CACNA1B: variants seen among roughly 807,000 people sequenced by gnomAD.
CACNA1B encodes the protein calcium voltage-gated channel subunit alpha1 B.
In CACNA1B, 70 loss-of-function variants were observed where a neutral mutation model predicts 247.2. The ratio of observed to expected loss-of-function variants is 0.28; its 90% CI spans 0.23 to 0.35. The LOEUF (loss-of-function observed/expected upper bound fraction) is 0.35. Among genes scored for constraint, CACNA1B ranks in the 10% least tolerant of loss-of-function variants. CACNA1B has a pLI of 1.00. For synonymous variants in CACNA1B, 1,231 were observed against 1,294.4 expected (o/e 0.95, Z 1.05); for missense variants, 2,367 against 3,197.4 (o/e 0.74, Z 6.26).
At chr9:137,908,931 A>G (rs1174835809) in intron 3 of CACNA1B, among the ~76,000 whole-genome samples, 3 of 151,740 alleles carry the variant, frequency 2.0e-5, no homozygotes, top group Non-Finnish European at 4.4e-5. Flanking sequence ...ACACCTGGCT[A>G]AATTTTTAAT....
rs1958876668 is a variant in CACNA1B, at chr9:138,023,469, G to C, written c.2726G>C (p.Gly909Ala). 8.4e-7 allele frequency: 1 copy of C among 1,185,224 alleles called. No individual in the cohort carries two copies. Among genetic ancestry groups the C allele is most frequent in the Non-Finnish European group, 1.0e-6 (1 of 960,094 alleles). The allele number at this position is 1,185,224 out of a possible 1,614,324, so 73.4% of individuals were successfully genotyped here. ...GAGGCGCGGAGCGAGCGCGGCCGAG[G>C]CCCAGGCCCCGAGGGCGGCCGGCGG... ...PPEARSERGRGPGPEGGRRHH... is the reference protein window; with the variant it reads ...PPEARSERGRAPGPEGGRRHH... The change falls in exon 19 of 47, where the codon GGC becomes GCC. Residue 909 changes from glycine (G) to alanine (A), a missense_variant. By Grantham distance (60) the Gly-to-Ala change is moderately conservative. Around this residue, in one of 12 missense-constraint regions of CACNA1B, gnomAD observed 631 missense variants for 631.1 expected, o/e 1.00. Transcript: ENST00000371372.
rs777033250 is a variant in CACNA1B, at chr9:138,118,067, C to T, written c.5899C>T (p.Arg1967Trp). The change falls in exon 43 of 47, where the codon CGG becomes TGG. Residue 1967 changes from arginine (R) to tryptophan (W), a missense_variant. Physicochemically the swap from Arg to Trp is moderately radical, Grantham distance 101. Transcript: ENST00000371372. ...RGHSTEIPVG[R>W]SGALAVDVQM... Reference sequence around the variant, plus strand: ...CCACTCCACAGAGATCCCTGTGGGGCGGTCAGGAGCACTGGTGAGCACTCC... The same window carrying T: ...CCACTCCACAGAGATCCCTGTGGGGTGGTCAGGAGCACTGGTGAGCACTCC... The T allele has an allele frequency of 2.9e-5, 44 of 1,538,004 alleles. No individual in the cohort carries two copies. The highest frequency in any genetic ancestry group is 4.9e-5 in the East Asian group (2 of 40,950).
At chr9:138,083,359 A>AGCT (rs1960589508) in intron 36 of CACNA1B, among the ~76,000 whole-genome samples, 1 of 151,148 alleles carries the variant, frequency 6.6e-6, no homozygotes, top group African/African-American at 2.4e-5. Context: ...GTGGAGGTGG[A>AGCT]GCTGCTTCAC....
At chr9:137,953,540 C>G (rs1283005809) in intron 7 of CACNA1B, among the ~76,000 whole-genome samples, 1 of 152,168 alleles carries the variant, frequency 6.6e-6, no homozygotes, top group East Asian at 1.9e-4. Flanking sequence ...CTCCAAAAGC[C>G]TCCATGGGAA....
rs1405220352 is a variant in CACNA1B, at chr9:137,975,541, T to G, written c.1544-366T>G. 2.0e-5 allele frequency among the ~76,000 whole-genome samples: 3 copies of G among 152,258 alleles called. No individual in the cohort carries two copies. In the East Asian group the frequency reaches 5.8e-4, roughly 30 times the overall value. On this transcript the variant is annotated intron_variant, in intron 11 of 46. Transcript: ENST00000371372. Reference sequence around the variant, plus strand: ...TGGAAGCTGTAGCTGGGCCTCTCCTTGGGGTAAATGGGGCCCTTTGCCTCA... The same window carrying G: ...TGGAAGCTGTAGCTGGGCCTCTCCTGGGGGTAAATGGGGCCCTTTGCCTCA...
chr9:138,065,277 T>G (rs1374033270), intron 31 of CACNA1B, among the ~76,000 whole-genome samples: 1 of 152,170 alleles, frequency 6.6e-6, no homozygotes, highest in Non-Finnish European at 1.5e-5. Flanking sequence ...TGGGCAGCCT[T>G]TTTTTCTCAC....
At chr9:138,096,720 T>C (rs942862728) in intron 37 of CACNA1B, 109 bp downstream of exon 37, 13 of 1,127,332 alleles carry the variant, frequency 1.2e-5, no homozygotes, top group African/African-American at 1.6e-5. Context: ...CCCTCAGGTT[T>C]TGGTTTGGGG....
At chr9:138,076,009 A>G in intron 35 of CACNA1B, 99 bp downstream of exon 35, 1 of 771,190 alleles carries the variant, frequency 1.3e-6, no homozygotes, top group Non-Finnish European at 2.2e-6. Flanking sequence ...GAGACCACCC[A>G]CTTCTAATTC....
rs1024283498 is a variant in CACNA1B, at chr9:138,123,355, C to T, written c.*1356C>T. 1.3e-5 allele frequency: 2 copies of T among 152,342 alleles called. No individual in the cohort carries two copies. Among genetic ancestry groups the T allele is most frequent in the African/African-American group, 4.8e-5 (2 of 41,454 alleles). The allele number at this position is 152,342 out of a possible 1,614,324, so 9.4% of individuals were successfully genotyped here. On this transcript the variant is annotated 3_prime_UTR_variant, in exon 47 of 47. Transcript: ENST00000371372. ...AGCAGGCAGTCAAGTGAGGTCTGAC[C>T]CCCATGGCCACGCTCAGGAGAGAAA...
intron 15 of CACNA1B, among the ~76,000 whole-genome samples, chr9:138,004,163 G>A (rs1031270115): frequency 2.0e-5 from 3 of 152,066 alleles, no homozygotes; most frequent in African/African-American, 4.8e-5. Flanking sequence ...GCAAAAACCC[G>A]GAAGCCACTA....
chr9:138,037,578 G>C (rs541565906), intron 20 of CACNA1B, among the ~76,000 whole-genome samples: 1 of 152,186 alleles, frequency 6.6e-6, no homozygotes, highest in East Asian at 1.9e-4. Context: ...AGAATCGCTT[G>C]AACACGAGAG....
intron 20 of CACNA1B, among the ~76,000 whole-genome samples, chr9:138,034,368 A>G (rs1959018866): frequency 1.3e-5 from 2 of 151,362 alleles, no homozygotes; most frequent in African/African-American, 4.9e-5. Context: ...CCACCCTAGC[A>G]GGGGCTTTGG....
chr9:137,943,580 G>A (rs1443378518), intron 6 of CACNA1B, among the ~76,000 whole-genome samples: 1 of 152,128 alleles, frequency 6.6e-6, no homozygotes, highest in African/African-American at 2.4e-5. Context: ...GGACCTTGGG[G>A]GACTGAACAA....
chr9:138,121,399 C>T lies in CACNA1B; in HGVS notation c.6490-70C>T. The T allele has an allele frequency of 8.0e-7, 1 of 1,244,592 alleles. No individual in the cohort carries two copies. The highest frequency in any genetic ancestry group is 2.6e-5 in the Admixed American group (1 of 38,922). The allele number at this position is 1,244,592 out of a possible 1,614,324, so 77.1% of individuals were successfully genotyped here. A position where few individuals can be genotyped will look rare whatever the true frequency, so the allele number is the denominator to read the frequency against. On this transcript the variant is annotated intron_variant, in intron 46 of 46. Coordinates refer to ENST00000371372, the MANE Select transcript of CACNA1B (RefSeq NM_000718.4). This position sits in a 1 kb window ranked among gnomAD's most constrained non-coding sequence, Gnocchi z 6.8. ...CCCCCAGGCACCTGTGTGTGATGTG[C>T]TCTGTCTGTTGGTTCGGCTTTTTTT...
chr9:138,075,560 G>A (rs923570213), intron 34 of CACNA1B, among the ~76,000 whole-genome samples: 11 of 152,220 alleles, frequency 7.2e-5, no homozygotes, highest in South Asian at 2.1e-4. Context: ...AACTTAGCTC[G>A]GGGCCGTTCT....
At chr9:138,027,204 C>T (rs373342224) in intron 20 of CACNA1B, among the ~76,000 whole-genome samples, 1 of 152,080 alleles carries the variant, frequency 6.6e-6, no homozygotes, top group South Asian at 2.1e-4. Flanking sequence ...AGCATTTTCT[C>T]CCATTTTGTG....
intron 20 of CACNA1B, among the ~76,000 whole-genome samples, chr9:138,033,471 G>C (rs1004753692): frequency 1.3e-5 from 2 of 152,082 alleles, no homozygotes; most frequent in Non-Finnish European, 2.9e-5. Context: ...TTGAAACCTA[G>C]ACTCTCAGTG....
rs1307159981 is a variant in CACNA1B at position 137,984,194 on chromosome 9, C to T, written c.1713C>T (p.Ser571=). 1.2e-6 allele frequency: 2 copies of T among 1,605,304 alleles called. No individual in the cohort carries two copies. The highest frequency in any genetic ancestry group is 2.7e-5 in the African/African-American group (2 of 74,840). The change falls in exon 13 of 47, where the codon TCC becomes TCT. Residue 571 remains serine (S), a synonymous_variant. Coordinates refer to ENST00000371372, the MANE Select transcript of CACNA1B (RefSeq NM_000718.4). ...GGGCGGCCATCAAGCCGGGAAGCTC[C>T]TTTGGGATCAGTGTGCTGCGGGCCC... The part of the protein sequence containing the change: ...VVWAAIKPGS[S]FGISVLRALR...
chr9:137,931,249 C>G (rs967446131), intron 6 of CACNA1B, among the ~76,000 whole-genome samples: 1 of 152,096 alleles, frequency 6.6e-6, no homozygotes, highest in African/African-American at 2.4e-5. Flanking sequence ...GTAAACGGCT[C>G]AAGAGCCCTG....
Sources: gnomAD v4.1 joint callset for allele counts (sites outside exome capture counted in the v4.1 genomes callset) on GRCh38, gnomAD v4.1.1 for gene constraint, gnomAD v4.1.1 regional missense constraint, Gnocchi (gnomAD v3.1) non-coding constraint, MANE v1.5 for transcripts, NCBI Gene and HGNC (gene_info 2026-07-23, HGNC 2026-07-21) for gene names.